The following DLG2 variants were observed in gnomAD, a reference collection of about 807,000 sequenced individuals.
The protein encoded by DLG2 is discs large MAGUK scaffold protein 2.
Under a neutral mutation model 132.5 loss-of-function variants are expected in DLG2, and 45 were observed. That is an observed-to-expected ratio of 0.34 (90% CI 0.27 to 0.44). The LOEUF is 0.44. Ranked by LOEUF, DLG2 falls within the 20% of genes least tolerant of loss-of-function variation. The pLI is 1.00. For synonymous variants in DLG2, 424 were observed against 419.6 expected, an observed-to-expected ratio of 1.01 and a Z score of -0.13; for missense variants, 1,045 against 1,196.9, an observed-to-expected ratio of 0.87 and a Z score of 1.87.
intron 8 of DLG2, among the ~76,000 whole-genome samples, chr11:84,184,763 G>A (rs1369951914): frequency 2.0e-5 from 3 of 151,852 alleles, no homozygotes; most frequent in Non-Finnish European, 1.5e-5. Flanking sequence ...TGTAAGGAAG[G>A]GATCCAGTTT....
rs1400630366 is a variant in DLG2 at position 83,455,867 on chromosome 11, A to C, written c.*3951T>G. 1 of 152,406 alleles carries C rather than the reference A, an allele frequency of 6.6e-6. No homozygotes were observed. Among genetic ancestry groups the C allele is most frequent in the East Asian group, 1.9e-4 (1 of 5,202 alleles). 9.4% of individuals were successfully genotyped at this position (152,406 alleles called of 1,614,324 possible). On this transcript the variant is annotated 3_prime_UTR_variant, in exon 28 of 28. Transcript: ENST00000376104. The stretch of plus-strand genomic sequence containing the variant: ...GATCTTTTTCCCTCTAGGAGTAACA[A>C]ATTAATGTGATCAACTTAGGAATTA...
intron 11 of DLG2, among the ~76,000 whole-genome samples, chr11:84,034,108 A>T (rs1001004383): frequency 9.2e-5 from 14 of 151,822 alleles, no homozygotes; most frequent in Middle Eastern, 3.2e-3. Context: ...TAAAAATAAT[A>T]AAATAAAATA....
At chr11:83,880,764 A>G (rs761211863) in intron 15 of DLG2, among the ~76,000 whole-genome samples, 8 of 152,150 alleles carry the variant, frequency 5.3e-5, no homozygotes, top group Non-Finnish European at 8.8e-5. Context: ...AGCTTGATGA[A>G]CCTGTTACAC....
chr11:84,777,777 C>T (rs377045468), intron 6 of DLG2, among the ~76,000 whole-genome samples: 1 of 151,950 alleles, frequency 6.6e-6, no homozygotes, highest in East Asian at 1.9e-4. Flanking sequence ...CTATTCATGT[C>T]CTTTGCCCAC....
chr11:84,926,474 A>G (rs2092980674), intron 6 of DLG2, among the ~76,000 whole-genome samples: 2 of 151,910 alleles, frequency 1.3e-5, no homozygotes, highest in Admixed American at 6.6e-5. Flanking sequence ...TCTTATGTGG[A>G]AAGATGTCCA....
chr11:83,879,841 A>G (rs1297613972), intron 15 of DLG2, among the ~76,000 whole-genome samples: 1 of 152,222 alleles, frequency 6.6e-6, no homozygotes, highest in Non-Finnish European at 1.5e-5. Context: ...GAGAATGATG[A>G]AAGCAAATAA....
Position 84,922,966 on chromosome 11 carries a change from C to T in DLG2, c.357+188695G>A, listed in dbSNP as rs986140006. ...AGCCTTTGCAACCACCTGTAATAAT[C>T]TGCCTGCTCAGCCAGCAATCCGAAA... is the stretch of plus-strand genomic sequence containing the variant. On this transcript the variant is annotated intron_variant, in intron 6 of 27. Transcript: ENST00000376104. The T allele has an allele frequency of 2.2e-6, 3 of 1,352,172 alleles. No individual in the cohort carries two copies. The African/African-American group carries it at 4.3e-5, about 19-fold the overall frequency. The allele number at this position is 1,352,172 out of a possible 1,614,324, so 83.8% of individuals were successfully genotyped here.
At chr11:84,536,083 T>TA (rs1285810445) in intron 6 of DLG2, among the ~76,000 whole-genome samples, 1 of 152,258 alleles carries the variant, frequency 6.6e-6, no homozygotes, top group African/African-American at 2.4e-5. Context: ...TATCAATACT[T>TA]ACACTTATAC....
chr11:83,864,084 A>C (rs1379545920), intron 16 of DLG2, among the ~76,000 whole-genome samples: 1 of 152,206 alleles, frequency 6.6e-6, no homozygotes, highest in Non-Finnish European at 1.5e-5. Context: ...GCTTAGGAGA[A>C]AAAAATTCCC....
chr11:84,030,470 T>A (rs765075308), intron 11 of DLG2, among the ~76,000 whole-genome samples: 2 of 152,260 alleles, frequency 1.3e-5, no homozygotes, highest in African/African-American at 2.4e-5. Flanking sequence ...ATCAATGCCC[T>A]TCCATGGCCT....
intron 6 of DLG2, among the ~76,000 whole-genome samples, chr11:84,934,530 T>TTTTTTTTTTTTTTTGTTG: frequency 7.5e-6 from 1 of 133,870 alleles, no homozygotes; most frequent in Non-Finnish European, 1.6e-5. Flanking sequence ...GTTTTGTTTT[T>TTTTTTTTTTTTTTTGTTG]TTTTTTTTTT....
At position 83,560,102 on chromosome 11, in the gene DLG2, T is replaced by C. The variant is rs982628172; in HGVS notation, c.1941-18244A>G. Among the ~76,000 whole-genome samples the C allele has an allele frequency of 4.6e-5, 7 of 151,348 alleles. No homozygotes were observed. In the South Asian group the frequency reaches 6.3e-4, roughly 14 times the overall value. ...AGTATAATGAAAGAGAGGGGAAGGA[T>C]GGGGGCTGAACTTTGCTTTTTTTTT... is the stretch of plus-strand genomic sequence containing the variant. On this transcript the variant is annotated intron_variant, in intron 19 of 27. Coordinates refer to ENST00000376104, the MANE Select transcript of DLG2 (RefSeq NM_001142699.3).
chr11:84,494,036 G>T (rs568414412), intron 7 of DLG2, among the ~76,000 whole-genome samples: 1 of 152,134 alleles, frequency 6.6e-6, no homozygotes, highest in East Asian at 1.9e-4. Context: ...AGGCAGTAGG[G>T]ACAAGTGTCA....
chr11:84,836,883 C>T (rs567340530), intron 6 of DLG2, among the ~76,000 whole-genome samples: 4 of 151,708 alleles, frequency 2.6e-5, no homozygotes, highest in Non-Finnish European at 5.9e-5. Context: ...ATTACACTTT[C>T]AGTTTTAGGG....
chr11:84,412,086 C>T (rs2098908444), intron 7 of DLG2, among the ~76,000 whole-genome samples: 1 of 150,876 alleles, frequency 6.6e-6, no homozygotes, highest in South Asian at 2.1e-4. Context: ...TATAGCTGGG[C>T]TTAGCTAAAG....
intron 6 of DLG2, among the ~76,000 whole-genome samples, chr11:84,694,323 C>A (rs551633916): frequency 6.6e-6 from 1 of 151,712 alleles, no homozygotes; most frequent in African/African-American, 2.4e-5. Flanking sequence ...AGAAAATGTT[C>A]ATGTGAGCAC....
chr11:85,138,286 T>G (rs562046262), intron 5 of DLG2, among the ~76,000 whole-genome samples: 3 of 152,234 alleles, frequency 2.0e-5, no homozygotes, highest in African/African-American at 7.2e-5. Context: ...ATGTAAACAT[T>G]CAATAAAAAT....
At chr11:84,301,755 G>GAAAATT (rs1272858595) in intron 7 of DLG2, among the ~76,000 whole-genome samples, 1 of 151,420 alleles carries the variant, frequency 6.6e-6, no homozygotes. Context: ...TGGTGGGAAT[G>GAAAATT]AAAATTAGTA....
chr11:83,959,172 T>C (rs906276163), intron 14 of DLG2, among the ~76,000 whole-genome samples: 3 of 152,080 alleles, frequency 2.0e-5, no homozygotes, highest in African/African-American at 7.2e-5. Flanking sequence ...CATGGAAAAA[T>C]AAAACTTCCC....
Sources: gnomAD v4.1 joint callset for allele counts (sites outside exome capture counted in the v4.1 genomes callset) on GRCh38, gnomAD v4.1.1 for gene constraint, MANE v1.5 for transcripts, NCBI Gene and HGNC (gene_info 2026-07-23, HGNC 2026-07-21) for gene names.